Variants in YWHAE observed in about 807,000 individuals in gnomAD.
The protein encoded by YWHAE is 14-3-3 protein epsilon.
In YWHAE, 4 loss-of-function variants were observed where a neutral mutation model predicts 30.1. The observed-to-expected ratio is 0.13, with a 90% confidence interval of 0.07 to 0.30. The LOEUF (loss-of-function observed/expected upper bound fraction) is 0.30. YWHAE is among the 10% of genes least tolerant of loss of function. YWHAE has a pLI of 1.00. For missense variants in YWHAE, 121 were observed against 315.9 expected, an observed-to-expected ratio of 0.38 and a Z score of 4.68; for synonymous variants, 118 against 111.8, an observed-to-expected ratio of 1.06 and a Z score of -0.35.
chr17:1,349,141 G>T (rs894429124), intron 5 of YWHAE, among the ~76,000 whole-genome samples: 1 of 152,142 alleles, frequency 6.6e-6, no homozygotes, highest in Middle Eastern at 3.4e-3. Context: ...AGGAGATTGA[G>T]ACCATCCGGG....
intron 1 of YWHAE, among the ~76,000 whole-genome samples, chr17:1,398,479 G>A (rs2073510319): frequency 6.6e-6 from 1 of 152,042 alleles, no homozygotes; most frequent in Non-Finnish European, 1.5e-5. Context: ...CTGATGATAA[G>A]GGGGACTAAC....
At chr17:1,371,695 A>G (rs1040831761) in intron 1 of YWHAE, among the ~76,000 whole-genome samples, 2 of 148,598 alleles carry the variant, frequency 1.3e-5, no homozygotes, top group Non-Finnish European at 2.9e-5. Context: ...TAGTTAAGTG[A>G]AGTCCTAGAC....
intron 3 of YWHAE, 111 bp from the exon 4 acceptor site, chr17:1,361,409 T>C (rs545577965): frequency 1.2e-6 from 1 of 823,872 alleles, no homozygotes; most frequent in Non-Finnish European, 1.8e-6. Flanking sequence ...CAAAAATATA[T>C]GTAACAATTA....
chr17:1,358,827 C>G (rs1266347965), intron 4 of YWHAE, among the ~76,000 whole-genome samples: 1 of 61,434 alleles, frequency 1.6e-5, no homozygotes, highest in African/African-American at 1.1e-4. Flanking sequence ...GAGACTCCAT[C>G]TTAAAAAAAA....
At chr17:1,390,911 TAC>T (rs1181124589) in intron 1 of YWHAE, among the ~76,000 whole-genome samples, 7 of 152,216 alleles carry the variant, frequency 4.6e-5, no homozygotes, top group African/African-American at 1.4e-4. Context: ...TGGTCTGAAC[TAC>T]ACAGTTTGGC....
intron 1 of YWHAE, among the ~76,000 whole-genome samples, chr17:1,397,003 C>T (rs1819345835): frequency 6.6e-6 from 1 of 151,346 alleles, no homozygotes; most frequent in Non-Finnish European, 1.5e-5. Flanking sequence ...TTCACTACAA[C>T]CTTCACCTCC....
At chr17:1,395,140 T>C (rs1364046493) in intron 1 of YWHAE, among the ~76,000 whole-genome samples, 1 of 141,416 alleles carries the variant, frequency 7.1e-6, no homozygotes, top group South Asian at 2.3e-4. Flanking sequence ...CGCCTGTAAT[T>C]CCAACACTTT....
intron 1 of YWHAE, among the ~76,000 whole-genome samples, chr17:1,384,986 A>T (rs943347730): frequency 1.4e-4 from 21 of 151,746 alleles, no homozygotes; most frequent in Non-Finnish European, 2.7e-4. Context: ...AATTTTTTTT[A>T]AAATCAGTTT....
At chr17:1,356,660 T>C (rs1218330174) in intron 4 of YWHAE, among the ~76,000 whole-genome samples, 1 of 152,150 alleles carries the variant, frequency 6.6e-6, no homozygotes, top group Non-Finnish European at 1.5e-5. Flanking sequence ...ACTAGCCATT[T>C]AGAATGTTTT....
At chr17:1,393,836 G>C (rs2073424427) in intron 1 of YWHAE, among the ~76,000 whole-genome samples, 1 of 152,118 alleles carries the variant, frequency 6.6e-6, no homozygotes, top group Non-Finnish European at 1.5e-5. Flanking sequence ...TAAACATTCT[G>C]AGAGTACCTA....
At chr17:1,382,551 G>A (rs1183095255) in intron 1 of YWHAE, among the ~76,000 whole-genome samples, 2 of 149,728 alleles carry the variant, frequency 1.3e-5, no homozygotes, top group African/African-American at 4.9e-5. Flanking sequence ...TAGTAGAGAC[G>A]GGGTTTCACT....
In YWHAE at chr17:1,390,284, G is replaced by C. The variant is rs150922516; in HGVS notation, c.64+9763C>G. On this transcript the variant is annotated intron_variant, in intron 1 of 5. Coordinates refer to ENST00000264335, the MANE Select transcript of YWHAE (RefSeq NM_006761.5). ...TCAACATGACAAAATTATTATTTGGGAATAATCTGGACGACCTTTACTTTG... is the reference window on the plus strand; with the variant it reads ...TCAACATGACAAAATTATTATTTGGCAATAATCTGGACGACCTTTACTTTG... Among the ~76,000 whole-genome samples the C allele has an allele frequency of 1.5e-3, 235 of 152,244 alleles. 1 individual carries two copies. The highest frequency in any genetic ancestry group is 2.8e-3 in the Non-Finnish European group (188 of 68,016).
chr17:1,346,222 C>CTA (rs1267147360), intron 5 of YWHAE, among the ~76,000 whole-genome samples: 2 of 152,110 alleles, frequency 1.3e-5, no homozygotes, highest in Non-Finnish European at 2.9e-5. Flanking sequence ...AGAAAGCCAC[C>CTA]TATTGGTTGG....
At chr17:1,370,108 C>G (rs1231888504) in intron 1 of YWHAE, among the ~76,000 whole-genome samples, 2 of 149,618 alleles carry the variant, frequency 1.3e-5, no homozygotes, top group Non-Finnish European at 3.0e-5. Flanking sequence ...CAGCATTTAC[C>G]CACAGAAAAA....
chr17:1,387,644 G>GA (rs1354016055), intron 1 of YWHAE, among the ~76,000 whole-genome samples: 1 of 151,922 alleles, frequency 6.6e-6, no homozygotes, highest in Non-Finnish European at 1.5e-5. Context: ...AGTAGGCGGG[G>GA]ATGGAGTCTT....
chr17:1,345,562 A>AACAAAGGTGTC, intron 5 of YWHAE, 63 bp from the exon 6 acceptor site: 1 of 1,537,956 alleles, frequency 6.5e-7, no homozygotes, highest in East Asian at 2.2e-5. Context: ...GGCAGCCACA[A>AACAAAGGTGTC]ACAAAGGTGT....
intron 1 of YWHAE, among the ~76,000 whole-genome samples, chr17:1,384,784 C>A (rs537809489): frequency 6.6e-6 from 1 of 152,050 alleles, no homozygotes; most frequent in African/African-American, 2.4e-5. Flanking sequence ...CGGCTCACTG[C>A]AACCTCCGCC....
intron 1 of YWHAE, among the ~76,000 whole-genome samples, chr17:1,366,715 G>A (rs2072949707): frequency 6.6e-6 from 1 of 152,020 alleles, no homozygotes; most frequent in Non-Finnish European, 1.5e-5. Flanking sequence ...GGCCAAGGTG[G>A]GTGGATCGCC....
chr17:1,372,871 G>A (rs946404961), intron 1 of YWHAE, among the ~76,000 whole-genome samples: 3 of 151,842 alleles, frequency 2.0e-5, no homozygotes, highest in African/African-American at 7.3e-5. Flanking sequence ...GAGGATTGCT[G>A]GAGCCTGGGA....
Sources: allele counts gnomAD v4.1 joint callset (sites outside exome capture counted in the v4.1 genomes callset), GRCh38; gene constraint gnomAD v4.1.1; transcripts MANE v1.5; gene names NCBI Gene and HGNC (gene_info 2026-07-23, HGNC 2026-07-21).